Variants in ETS1 observed in about 807,000 individuals in gnomAD.
The protein encoded by ETS1 is ETS proto-oncogene 1, transcription factor, also known as protein C-ets-1.
ETS1 carries 15 observed loss-of-function variants against 58.6 expected under a neutral mutation model. The observed-to-expected ratio is 0.26, with a 90% confidence interval of 0.17 to 0.39. The LOEUF (loss-of-function observed/expected upper bound fraction) is 0.39. ETS1 is among the 10% of genes least tolerant of loss of function. ETS1 has a pLI of 1.00. For synonymous variants in ETS1, 214 were observed against 218.2 expected (o/e 0.98, Z 0.17); for missense variants, 417 against 610.5 (o/e 0.68, Z 3.34).
chr11:128,560,479 A>G (rs954233666), intron 2 of ETS1, among the ~76,000 whole-genome samples: 2 of 152,226 alleles, frequency 1.3e-5, no homozygotes, highest in African/African-American at 4.8e-5. Flanking sequence ...ATTTTACAGA[A>G]GAGCAAACAG....
At chr11:128,466,758 GA>G (rs1302341284) in intron 8 of ETS1, among the ~76,000 whole-genome samples, 1 of 150,530 alleles carries the variant, frequency 6.6e-6, no homozygotes, top group Non-Finnish European at 1.5e-5. Context: ...CCTAGGTGCA[GA>G]GCTCTCTAAC....
chr11:128,574,400 T>C (rs1314812477), intron 1 of ETS1, among the ~76,000 whole-genome samples: 1 of 152,244 alleles, frequency 6.6e-6, no homozygotes, highest in African/African-American at 2.4e-5. Flanking sequence ...AGCTAGACTA[T>C]GTTAATCAAG....
chr11:128,573,396 A>G (rs1864678992), intron 1 of ETS1, among the ~76,000 whole-genome samples: 1 of 152,208 alleles, frequency 6.6e-6, no homozygotes, highest in Admixed American at 6.5e-5. Flanking sequence ...ATGTCTACAC[A>G]CTGCAGACAG....
chr11:128,543,077 C>T (rs1038025878), intron 3 of ETS1, among the ~76,000 whole-genome samples: 1 of 151,650 alleles, frequency 6.6e-6, no homozygotes, highest in African/African-American at 2.4e-5. Flanking sequence ...CGGGTAATCC[C>T]AGCTACTCGG....
At chr11:128,508,564 T>C (rs890861331) in intron 3 of ETS1, among the ~76,000 whole-genome samples, 6 of 152,170 alleles carry the variant, frequency 3.9e-5, no homozygotes, top group African/African-American at 1.4e-4. Context: ...AATTACTTAC[T>C]ATCAAGCACC....
At chr11:128,552,453 G>A (rs1434195950) in intron 3 of ETS1, among the ~76,000 whole-genome samples, 1 of 152,204 alleles carries the variant, frequency 6.6e-6, no homozygotes, top group East Asian at 1.9e-4. Flanking sequence ...ATGAAGGTAA[G>A]TTGTGTTTCC....
chr11:128,482,957 G>C (rs143211885), intron 7 of ETS1, among the ~76,000 whole-genome samples: 4 of 152,176 alleles, frequency 2.6e-5, no homozygotes, highest in Non-Finnish European at 5.9e-5. Context: ...CACTCTGTAC[G>C]CTGTAATGCA....
intron 1 of ETS1, among the ~76,000 whole-genome samples, chr11:128,579,690 CA>C (rs1192738093): frequency 1.4e-4 from 21 of 151,176 alleles, no homozygotes; most frequent in Non-Finnish European, 3.1e-4. Flanking sequence ...ATTTGGTGTC[CA>C]AAACAACTAA....
chr11:128,557,942 C>G (rs1320205680), intron 2 of ETS1, among the ~76,000 whole-genome samples: 1 of 152,160 alleles, frequency 6.6e-6, no homozygotes, highest in Non-Finnish European at 1.5e-5. Flanking sequence ...GCTCCCTTTC[C>G]CAATTTGCAA....
At chr11:128,519,365 G>A (rs1863604499) in intron 3 of ETS1, among the ~76,000 whole-genome samples, 3 of 152,028 alleles carry the variant, frequency 2.0e-5, no homozygotes, top group Non-Finnish European at 2.9e-5. Flanking sequence ...GAGGGGGTGG[G>A]GAGAAAATTC....
intron 8 of ETS1, among the ~76,000 whole-genome samples, chr11:128,471,023 C>T (rs922067512): frequency 6.6e-6 from 1 of 152,126 alleles, no homozygotes; most frequent in Non-Finnish European, 1.5e-5. Context: ...TCCTCTTTTC[C>T]CGATGCACCT....
At chr11:128,525,758 A>G (rs1863789332) in intron 3 of ETS1, among the ~76,000 whole-genome samples, 1 of 152,208 alleles carries the variant, frequency 6.6e-6, no homozygotes, top group South Asian at 2.1e-4. Context: ...TTCTAAGGCA[A>G]GTGGTTTCTA....
chr11:128,465,595 A>G (rs1414964501), intron 8 of ETS1, among the ~76,000 whole-genome samples: 1 of 152,200 alleles, frequency 6.6e-6, no homozygotes, highest in Non-Finnish European at 1.5e-5. Flanking sequence ...TGGTCACAGA[A>G]TAGGTTTCTT....
chr11:128,501,274 T>C (rs1250634247), intron 3 of ETS1, among the ~76,000 whole-genome samples: 1 of 152,120 alleles, frequency 6.6e-6, no homozygotes, highest in East Asian at 1.9e-4. Flanking sequence ...AGAAGTTAAA[T>C]GGGAACAATG....
rs35929205 is a variant in ETS1, at chr11:128,542,566, TAA to T, written c.214+13723_214+13724del. Among the ~76,000 whole-genome samples, 7 of 150,398 alleles carry T rather than the reference TAA, an allele frequency of 4.7e-5. No individual in the cohort carries two copies. In the East Asian group the frequency reaches 5.8e-4, roughly 13 times the overall value. ...TTAACCAACACAAGTGTTAAGGTAT[TAA>T]AAAAAAAACAAAACAAAACGGGAGA... On this transcript the variant is annotated intron_variant, in intron 3 of 9. Transcript: ENST00000392668.
chr11:128,498,573 G>T (rs188454122), intron 3 of ETS1, among the ~76,000 whole-genome samples: 1 of 152,138 alleles, frequency 6.6e-6, no homozygotes, highest in African/African-American at 2.4e-5. Flanking sequence ...TTGCAAAAAC[G>T]TCCTAAGAGT....
chr11:128,522,226 C>G, intron 3 of ETS1: 1 of 1,211,954 alleles, frequency 8.3e-7, no homozygotes, highest in Non-Finnish European at 1.0e-6. Context: ...GTCCCAGCCT[C>G]GCCCGCGCCG....
chr11:128,582,897 T>C (rs1224271064), intron 1 of ETS1, among the ~76,000 whole-genome samples: 1 of 152,006 alleles, frequency 6.6e-6, no homozygotes, highest in Non-Finnish European at 1.5e-5. Flanking sequence ...TAGATACAAA[T>C]ATAAGGAAGT....
At chr11:128,528,493 C>T (rs1407376146) in intron 3 of ETS1, among the ~76,000 whole-genome samples, 1 of 152,190 alleles carries the variant, frequency 6.6e-6, no homozygotes, top group Non-Finnish European at 1.5e-5. Context: ...TTCTGCTCAG[C>T]TCAAGAGCAC....
Sources: gnomAD v4.1 joint callset for allele counts (sites outside exome capture counted in the v4.1 genomes callset) on GRCh38, gnomAD v4.1.1 for gene constraint, MANE v1.5 for transcripts, NCBI Gene and HGNC (gene_info 2026-07-23, HGNC 2026-07-21) for gene names.